LRRC14B: variants seen among roughly 807,000 people sequenced by gnomAD.
The protein encoded by LRRC14B is leucine-rich repeat-containing protein 14B.
LRRC14B carries 23 observed loss-of-function variants against 16.9 expected under a neutral mutation model. That is an observed-to-expected ratio of 1.36 (90% CI 0.98 to 1.92). The LOEUF (loss-of-function observed/expected upper bound fraction) is 1.92. LRRC14B is among the 30% of genes most tolerant of loss of function. The probability of loss-of-function intolerance (pLI) is 0.00; values close to 1 mark genes in which losing one functional copy is unlikely to be tolerated. For synonymous variants in LRRC14B, 358 were observed against 332.5 expected, an observed-to-expected ratio of 1.08 and a Z score of -0.83; for missense variants, 766 against 705.7, an observed-to-expected ratio of 1.09 and a Z score of -0.97.
In LRRC14B at chr5:192,297, AC is replaced by A. The variant is rs748566980; in HGVS notation, c.765del (p.Thr256ProfsTer36). The A allele has an allele frequency of 1.3e-6, 2 of 1,594,748 alleles. No individual in the cohort carries two copies. The highest frequency in any genetic ancestry group is 1.7e-6 in the Non-Finnish European group (2 of 1,172,384). On this transcript the variant is annotated frameshift_variant, in exon 1 of 2. Transcript: ENST00000328278. LOFTEE classifies it high-confidence loss of function. ...LTLPTKAFDA[P>X]PTYASTPDGE... Reference sequence around the variant, plus strand: ...CCCTGCCCACCAAGGCCTTTGATGCACCCCCCACCTACGCCTCCACTCCCGA... The same window carrying A: ...CCCTGCCCACCAAGGCCTTTGATGCACCCCCACCTACGCCTCCACTCCCGA...
Position 194,893 on chromosome 5 carries a change from T to C in LRRC14B, c.1085T>C (p.Leu362Pro). Residue 362 changes from leucine (L) to proline (P), a missense_variant, in exon 2 of 2, where the codon CTG (leucine) becomes CCG (proline). By Grantham distance (98) the Leu-to-Pro change is moderately conservative. Transcript: ENST00000328278. ...FRLLSQASRT[L>P]RILTLEECGI... ...CTGCTCAGCCAGGCTTCCCGGACGC[T>C]GAGGATCCTGACACTGGAGGAGTGT... 1 of 1,602,538 alleles carries C rather than the reference T, an allele frequency of 6.2e-7. No homozygotes were observed. The highest frequency in any genetic ancestry group is 8.5e-7 in the Non-Finnish European group (1 of 1,174,540).
rs1208971299 is a variant in LRRC14B at position 195,122 on chromosome 5, G to C, written c.1314G>C (p.Gln438His). The change falls in exon 2 of 2, where the codon CAG becomes CAC. Residue 438 changes from glutamine (Q) to histidine (H), a missense_variant. Physicochemically the swap from Gln to His is conservative, Grantham distance 24. Coordinates refer to ENST00000328278, the MANE Select transcript of LRRC14B (RefSeq NM_001080478.3). ...DCYPEGAAYP[Q>H]DELAMSKFNQ... is the part of the protein sequence containing the mutation. ...ACCCCGAGGGTGCCGCCTACCCACA[G>C]GACGAGCTGGCCATGTCCAAGTTCA... 1 of 1,613,958 alleles carries C rather than the reference G, an allele frequency of 6.2e-7. No individual in the cohort carries two copies. The highest frequency in any genetic ancestry group is 2.2e-5 in the East Asian group (1 of 44,888).
In LRRC14B at chr5:191,687, C is replaced by G. The variant is rs373155335; in HGVS notation, c.149C>G (p.Thr50Arg). ...TACCTGCTGGAGCAGGCGGAGGTGACGCGCGCGGTGCTGGGGCGCTGGCCC... is the reference window on the plus strand; with the variant it reads ...TACCTGCTGGAGCAGGCGGAGGTGAGGCGCGCGGTGCTGGGGCGCTGGCCC... ...ASYLLEQAEV[T>R]RAVLGRWPLE... Residue 50 changes from threonine (T) to arginine (R), a missense_variant, in exon 1 of 2, where the codon ACG (threonine) becomes AGG (arginine). Thr to Arg is a moderately conservative substitution (Grantham distance 71, BLOSUM62 -1). Transcript: ENST00000328278. The G allele has an allele frequency of 6.4e-5, 102 of 1,600,008 alleles. No homozygotes were observed. Among genetic ancestry groups the G allele is most frequent in the Non-Finnish European group, 8.3e-5 (98 of 1,174,036 alleles).
Position 195,417 on chromosome 5 carries a change from C to T in LRRC14B, c.*64C>T. The T allele has an allele frequency of 6.8e-7, 1 of 1,461,686 alleles. No individual in the cohort carries two copies. The highest frequency in any genetic ancestry group is 9.2e-7 in the Non-Finnish European group (1 of 1,083,300). 90.5% of individuals were successfully genotyped at this position (1,461,686 alleles called of 1,614,324 possible). A position where few individuals can be genotyped will look rare whatever the true frequency, so the allele number is the denominator to read the frequency against. On this transcript the variant is annotated 3_prime_UTR_variant, in exon 2 of 2. Transcript: ENST00000328278. ...CCTGCAGGTGCCCCGGGCTTTAGTC[C>T]TGGATCTGAGGCTTGGGCCCGGCAT... is the stretch of plus-strand genomic sequence containing the variant.
chr5:195,259 T>TGGG lies in LRRC14B; in HGVS notation c.1451_1452insGGG (p.Ile484delinsMetGly). The TGGG allele has an allele frequency of 6.2e-7, 1 of 1,613,012 alleles. No homozygotes were observed. Among genetic ancestry groups the TGGG allele is most frequent in the Non-Finnish European group, 8.5e-7 (1 of 1,179,880 alleles). On this transcript the variant is annotated protein_altering_variant, in exon 2 of 2. Coordinates refer to ENST00000328278, the MANE Select transcript of LRRC14B (RefSeq NM_001080478.3). ...CTCTTTGGAAGTTTTGACCCAGACATTCAAGAAACAAGCAATGAGCTTGGT... is the reference window on the plus strand; with the variant it reads ...CTCTTTGGAAGTTTTGACCCAGACATGGGTCAAGAAACAAGCAATGAGCTTGGT...
At chr5:192,581 C>G in intron 1 of LRRC14B, 144 bp downstream of exon 1, 1 of 892,136 alleles carries the variant, frequency 1.1e-6, no homozygotes, top group Non-Finnish European at 1.5e-6. Context: ...CACAGGACAG[C>G]GGCCCCGCCA....
Position 194,945 on chromosome 5 carries a change from G to A in LRRC14B, c.1137G>A (p.Met379Ile), listed in dbSNP as rs1227456935. ...GCATCGTAGACAGCCACGTTGGCAT[G>A]CTGATCCTGGGCCTGAGCCCCTGCC... Reference protein sequence around the residue: ...ECGIVDSHVGMLILGLSPCHR... With the variant: ...ECGIVDSHVGILILGLSPCHR... Residue 379 changes from methionine (M) to isoleucine (I), a missense_variant, in exon 2 of 2, where the codon ATG becomes ATA. Coordinates refer to ENST00000328278, the MANE Select transcript of LRRC14B (RefSeq NM_001080478.3). The A allele has an allele frequency of 6.2e-7, 1 of 1,613,284 alleles. No homozygotes were observed. Among genetic ancestry groups the A allele is most frequent in the East Asian group, 2.2e-5 (1 of 44,870 alleles).
chr5:192,263 C>T lies in LRRC14B; in HGVS notation c.725C>T (p.Ala242Val). 1 of 1,594,408 alleles carries T rather than the reference C, an allele frequency of 6.3e-7. No homozygotes were observed. The highest frequency in any genetic ancestry group is 1.1e-5 in the South Asian group (1 of 87,852). Reference sequence around the variant, plus strand: ...GCCCAGGTGGGCTTCCCCCGGCTGGCCTCGCTCACCCTGCCCACCAAGGCC... The same window carrying T: ...GCCCAGGTGGGCTTCCCCCGGCTGGTCTCGCTCACCCTGCCCACCAAGGCC... Reference protein sequence around the residue: ...LLAQVGFPRLASLTLPTKAFD... With the variant: ...LLAQVGFPRLVSLTLPTKAFD... The change falls in exon 1 of 2, where the codon GCC becomes GTC. Residue 242 changes from alanine (A) to valine (V), a missense_variant. Transcript: ENST00000328278.
At position 191,684 on chromosome 5, in the gene LRRC14B, T is replaced by G. The variant is rs201866130; in HGVS notation, c.146T>G (p.Val49Gly). Residue 49 changes from valine to glycine, a missense_variant, in exon 1 of 2, where the codon GTG (valine) becomes GGG (glycine). Transcript: ENST00000328278. ...KASYLLEQAE[V>G]TRAVLGRWPL... The stretch of plus-strand genomic sequence containing the variant: ...AGCTACCTGCTGGAGCAGGCGGAGG[T>G]GACGCGCGCGGTGCTGGGGCGCTGG... The G allele has an allele frequency of 2.0e-5, 32 of 1,600,814 alleles. No homozygotes were observed. The highest frequency in any genetic ancestry group is 2.5e-5 in the Non-Finnish European group (29 of 1,174,550).
At position 192,287 on chromosome 5, in the gene LRRC14B, C is replaced by CCTG. The variant is rs1733820452; in HGVS notation, c.751_752insGCT (p.Ala250_Phe251insCys). The CCTG allele has an allele frequency of 6.2e-7, 1 of 1,600,412 alleles. No individual in the cohort carries two copies. Among genetic ancestry groups the CCTG allele is most frequent in the Non-Finnish European group, 8.5e-7 (1 of 1,174,680 alleles). ...GCCTCGCTCACCCTGCCCACCAAGG[C>CCTG]CTTTGATGCACCCCCCACCTACGCC... is the stretch of plus-strand genomic sequence containing the variant. On this transcript the variant is annotated inframe_insertion, in exon 1 of 2. Transcript: ENST00000328278.
chr5:194,084 C>A (rs1036185452), intron 1 of LRRC14B, among the ~76,000 whole-genome samples: 1 of 152,150 alleles, frequency 6.6e-6, no homozygotes, highest in Non-Finnish European at 1.5e-5. Context: ...GTACTGGAAG[C>A]CTCCATGGCC....
At position 195,365 on chromosome 5, in the gene LRRC14B, G is replaced by T; in HGVS notation, c.*12G>T. 1 of 1,594,566 alleles carries T rather than the reference G, an allele frequency of 6.3e-7. No individual in the cohort carries two copies. ...AACAAATAGAGTAGTTCCTCCACTCGCACCAGTGACAGGTCTTGCATTTCA... is the reference window on the plus strand; with the variant it reads ...AACAAATAGAGTAGTTCCTCCACTCTCACCAGTGACAGGTCTTGCATTTCA... On this transcript the variant is annotated 3_prime_UTR_variant, in exon 2 of 2. Transcript: ENST00000328278.
Position 192,464 on chromosome 5 carries a change from C to T in LRRC14B, c.899+27C>T, listed in dbSNP as rs201398784. The T allele has an allele frequency of 2.4e-5, 36 of 1,484,472 alleles. No homozygotes were observed. In the South Asian group the frequency reaches 4.2e-4, roughly 17 times the overall value. The allele number at this position is 1,484,472 out of a possible 1,614,324, so 92.0% of individuals were successfully genotyped here. On this transcript the variant is annotated intron_variant, in intron 1 of 1. Coordinates refer to ENST00000328278, the MANE Select transcript of LRRC14B (RefSeq NM_001080478.3). ...TGAGTCTTGGGGAGGGGACTGAGGG[C>T]GGGCTGGTGGCTGCAGAGGCAAGGA... is the stretch of plus-strand genomic sequence containing the variant.
In LRRC14B at chr5:195,373, G is replaced by A. The variant is rs1378853742; in HGVS notation, c.*20G>A. 1 of 1,590,982 alleles carries A rather than the reference G, an allele frequency of 6.3e-7. No homozygotes were observed. The highest frequency in any genetic ancestry group is 1.3e-5 in the African/African-American group (1 of 74,788). On this transcript the variant is annotated 3_prime_UTR_variant, in exon 2 of 2. Coordinates refer to ENST00000328278, the MANE Select transcript of LRRC14B (RefSeq NM_001080478.3). The stretch of plus-strand genomic sequence containing the variant: ...GAGTAGTTCCTCCACTCGCACCAGT[G>A]ACAGGTCTTGCATTTCAGCCTGCAG...
chr5:193,586 T>G (rs1579349564), intron 1 of LRRC14B, among the ~76,000 whole-genome samples: 4 of 103,980 alleles, frequency 3.8e-5, no homozygotes, highest in Admixed American at 9.8e-5. Flanking sequence ...GGTCCTGGGG[T>G]GGCACCAGGC....
intron 1 of LRRC14B, 114 bp from the exon 2 acceptor site, chr5:194,594 C>A: frequency 2.1e-6 from 2 of 962,020 alleles, no homozygotes; most frequent in Non-Finnish European, 3.1e-6. Context: ...GGTGGTTGGA[C>A]GTGACTGTGT....
In LRRC14B at chr5:195,098, C is replaced by A. The variant is rs771869432; in HGVS notation, c.1290C>A (p.Tyr430Ter). The A allele has an allele frequency of 1.2e-6, 2 of 1,613,932 alleles. No homozygotes were observed. Among genetic ancestry groups the A allele is most frequent in the Non-Finnish European group, 1.7e-6 (2 of 1,179,902 alleles). Reference protein sequence around the residue: ...CIEFPVPKDCYPEGAAYPQDE... With the variant: ...CIEFPVPKDC ...AGTTCCCGGTGCCCAAGGACTGCTA[C>A]CCCGAGGGTGCCGCCTACCCACAGG... Residue 430 changes from tyrosine (Y) to a stop codon, truncating the protein, a stop_gained, in exon 2 of 2, where the codon TAC (tyrosine) becomes TAA (stop). Transcript: ENST00000328278. LOFTEE classifies it low-confidence loss of function (END_TRUNC).
chr5:194,715 C>G lies in LRRC14B; in HGVS notation c.907C>G (p.Gln303Glu). 2.5e-6 allele frequency: 4 copies of G among 1,606,370 alleles called. No individual in the cohort carries two copies. Among genetic ancestry groups the G allele is most frequent in the East Asian group, 2.2e-5 (1 of 44,828 alleles). The change falls in exon 2 of 2, where the codon CAG (glutamine) becomes GAG (glutamate). Residue 303 changes from glutamine (Q) to glutamate (E), a missense_variant. Gln to Glu is a conservative substitution (Grantham distance 29, BLOSUM62 2). Transcript: ENST00000328278. ...GKIPTLLGPL[Q>E]TPLRVLDLAN... ...TTCCCCCGTGTCCTGCAGCCCCCTACAGACCCCGCTGCGAGTACTGGACCT... is the reference window on the plus strand; with the variant it reads ...TTCCCCCGTGTCCTGCAGCCCCCTAGAGACCCCGCTGCGAGTACTGGACCT...
chr5:192,474 G>A, intron 1 of LRRC14B, 37 bp downstream of exon 1: 1 of 1,473,070 alleles, frequency 6.8e-7, no homozygotes, highest in Non-Finnish European at 9.0e-7. Context: ...CGGGCTGGTG[G>A]CTGCAGAGGC....
Sources: allele counts gnomAD v4.1 joint callset (sites outside exome capture counted in the v4.1 genomes callset), GRCh38; gene constraint gnomAD v4.1.1; transcripts MANE v1.5; gene names NCBI Gene and HGNC (gene_info 2026-07-23, HGNC 2026-07-21).